Variants in ITGA9 observed in about 807,000 individuals in gnomAD.
ITGA9 encodes the protein integrin subunit alpha 9, also known as integrin alpha-9.
In ITGA9, 56 loss-of-function variants were observed where a neutral mutation model predicts 127.8. The ratio of observed to expected loss-of-function variants is 0.44; its 90% CI spans 0.35 to 0.55. ITGA9 has a LOEUF of 0.55. Ranked by LOEUF, ITGA9 falls within the 20% of genes least tolerant of loss-of-function variation. ITGA9 has a pLI of 0.00. For missense variants in ITGA9, 1,196 were observed against 1,347.1 expected (o/e 0.89, Z 1.76); for synonymous variants, 508 against 514.5 (o/e 0.99, Z 0.17).
chr3:37,540,464 G>C (rs1263026372), intron 14 of ITGA9, among the ~76,000 whole-genome samples: 1 of 152,110 alleles, frequency 6.6e-6, no homozygotes, highest in Non-Finnish European at 1.5e-5. Context: ...GTAGATCTCT[G>C]CACTTGTTTG....
intron 14 of ITGA9, among the ~76,000 whole-genome samples, chr3:37,536,426 G>A (rs1055415080): frequency 1.3e-5 from 2 of 152,258 alleles, no homozygotes; most frequent in Non-Finnish European, 2.9e-5. Flanking sequence ...CCTGTGGTGG[G>A]CTAGGTACTG....
chr3:37,729,012 C>T (rs1166833370), intron 18 of ITGA9, among the ~76,000 whole-genome samples: 1 of 151,816 alleles, frequency 6.6e-6, no homozygotes, highest in African/African-American at 2.4e-5. Context: ...GTACCCACAT[C>T]AATCAGAGGC....
At chr3:37,508,484 T>C in intron 7 of ITGA9, 75 bp from the exon 8 acceptor site, 1 of 1,226,024 alleles carries the variant, frequency 8.2e-7, no homozygotes, top group Non-Finnish European at 1.2e-6. Flanking sequence ...TAAATAGGAC[T>C]CCCAGGAGAG....
intron 1 of ITGA9, among the ~76,000 whole-genome samples, chr3:37,453,887 C>T (rs909692856): frequency 6.6e-6 from 1 of 152,212 alleles, no homozygotes; most frequent in Non-Finnish European, 1.5e-5. Context: ...ACATAGCTCT[C>T]GCCCAGCTCC....
chr3:37,599,708 G>A (rs7375025), intron 15 of ITGA9, among the ~76,000 whole-genome samples: 107,625 of 152,068 alleles, frequency 0.71, 38,399 homozygotes, highest in East Asian at 0.8. Context: ...CTTAACCTTC[G>A]TCTATAAAAT....
chr3:37,617,258 A>G (rs1373505858), intron 15 of ITGA9, among the ~76,000 whole-genome samples: 2 of 152,152 alleles, frequency 1.3e-5, no homozygotes, highest in African/African-American at 2.4e-5. Flanking sequence ...CTGGGTTGCA[A>G]ATTCTTTTCT....
intron 11 of ITGA9, among the ~76,000 whole-genome samples, chr3:37,522,639 C>G (rs1282119284): frequency 2.0e-5 from 3 of 151,492 alleles, no homozygotes; most frequent in East Asian, 1.9e-4. Flanking sequence ...GGGAGGATCA[C>G]TTAAGCCCAG....
chr3:37,724,071 T>C (rs1194975484), intron 18 of ITGA9, among the ~76,000 whole-genome samples: 1 of 152,190 alleles, frequency 6.6e-6, no homozygotes, highest in African/African-American at 2.4e-5. Flanking sequence ...ATTCAGAAGC[T>C]GGCTTCAGAG....
intron 27 of ITGA9, among the ~76,000 whole-genome samples, chr3:37,811,029 C>T (rs143882355): frequency 1.3e-5 from 2 of 152,214 alleles, no homozygotes; most frequent in East Asian, 1.9e-4. Flanking sequence ...TCATGCTTGG[C>T]GGCAGCAGGC....
chr3:37,600,738 CA>C (rs1699915307), intron 15 of ITGA9, among the ~76,000 whole-genome samples: 1 of 152,136 alleles, frequency 6.6e-6, no homozygotes, highest in African/African-American at 2.4e-5. Context: ...ACTGGAGCTC[CA>C]TGGGCAGAAA....
chr3:37,787,501 T>C (rs1697055729), intron 26 of ITGA9, among the ~76,000 whole-genome samples: 2 of 152,252 alleles, frequency 1.3e-5, no homozygotes, highest in African/African-American at 4.8e-5. Context: ...TTTTTAGCAC[T>C]CCTAAGAAAA....
chr3:37,773,731 G>A (rs1368830212), intron 23 of ITGA9, among the ~76,000 whole-genome samples: 1 of 152,122 alleles, frequency 6.6e-6, no homozygotes, highest in Non-Finnish European at 1.5e-5. Flanking sequence ...CATGGGGGTG[G>A]TAGTTACTGG....
chr3:37,697,647 C>T (rs1044476219), intron 18 of ITGA9, among the ~76,000 whole-genome samples: 7 of 152,088 alleles, frequency 4.6e-5, no homozygotes, highest in African/African-American at 1.7e-4. Context: ...CATCCATGTC[C>T]CTGCAAAGGA....
At chr3:37,702,905 G>T (rs1700963289) in intron 18 of ITGA9, among the ~76,000 whole-genome samples, 1 of 152,014 alleles carries the variant, frequency 6.6e-6, no homozygotes, top group Non-Finnish European at 1.5e-5. Flanking sequence ...AGAAACCAGA[G>T]ACCCAGAAAC....
intron 15 of ITGA9, among the ~76,000 whole-genome samples, chr3:37,572,068 A>G (rs1218362544): frequency 6.6e-6 from 1 of 151,996 alleles, no homozygotes; most frequent in East Asian, 1.9e-4. Flanking sequence ...AATCCAAACC[A>G]TGTGACATGG....
chr3:37,603,547 T>C (rs1006654202), intron 15 of ITGA9, among the ~76,000 whole-genome samples: 6 of 152,108 alleles, frequency 3.9e-5, no homozygotes, highest in African/African-American at 1.2e-4. Flanking sequence ...TCCCGTCAGG[T>C]TATAATAGGG....
intron 16 of ITGA9, among the ~76,000 whole-genome samples, chr3:37,643,081 A>C (rs1700347869): frequency 6.6e-6 from 1 of 152,244 alleles, no homozygotes; most frequent in Non-Finnish European, 1.5e-5. Flanking sequence ...CGTCAGAACC[A>C]GACAGGCTCC....
rs35047739 is a variant in ITGA9 at position 37,638,451 on chromosome 3, GA to G, written c.1839+9134del. On this transcript the variant is annotated intron_variant, in intron 16 of 27. Coordinates refer to ENST00000264741, the MANE Select transcript of ITGA9 (RefSeq NM_002207.3). The stretch of plus-strand genomic sequence containing the variant: ...TTATTGTCCTTTTCCTGATTATGGG[GA>G]AAAAAAAAAAAAAAAAAAGATAATC... 7.1e-3 allele frequency among the ~76,000 whole-genome samples: 911 copies of G among 127,596 alleles called. 2 individuals are homozygous for G. The highest frequency in any genetic ancestry group is 0.02 in the East Asian group (86 of 4,262). The allele number at this position is 127,596 out of a possible 152,430, so 83.7% of individuals were successfully genotyped here.
intron 17 of ITGA9, among the ~76,000 whole-genome samples, chr3:37,670,908 G>T (rs1700631270): frequency 6.6e-6 from 1 of 152,252 alleles, no homozygotes; most frequent in Admixed American, 6.5e-5. Flanking sequence ...CTTGTCAAGG[G>T]ACTATGATGG....
Sources: gnomAD v4.1 joint callset for allele counts (sites outside exome capture counted in the v4.1 genomes callset) on GRCh38, gnomAD v4.1.1 for gene constraint, MANE v1.5 for transcripts, NCBI Gene and HGNC (gene_info 2026-07-23, HGNC 2026-07-21) for gene names.